The following CEP85L variants were observed in gnomAD, a reference collection of about 807,000 sequenced individuals.
CEP85L encodes the protein centrosomal protein 85L.
A neutral mutation model predicts 100.3 loss-of-function variants in CEP85L; 60 were observed. The ratio of observed to expected loss-of-function variants is 0.60; its 90% CI spans 0.49 to 0.74. The LOEUF (loss-of-function observed/expected upper bound fraction) is 0.74. Among genes scored for constraint, CEP85L ranks in the 30% least tolerant of loss-of-function variants. The probability of loss-of-function intolerance (pLI) is 0.00; values close to 1 mark genes in which losing one functional copy is unlikely to be tolerated. For synonymous variants in CEP85L, 319 were observed against 322.7 expected, an observed-to-expected ratio of 0.99 and a Z score of 0.12; for missense variants, 973 against 936.2, an observed-to-expected ratio of 1.04 and a Z score of -0.51.
At chr6:118,612,866 T>C (rs1772742547) in intron 2 of CEP85L, among the ~76,000 whole-genome samples, 2 of 151,796 alleles carry the variant, frequency 1.3e-5, no homozygotes, top group South Asian at 4.2e-4. Flanking sequence ...TAGAGATCAG[T>C]AAAATCAACA....
intron 7 of CEP85L, among the ~76,000 whole-genome samples, chr6:118,482,325 A>G (rs1371541747): frequency 6.6e-6 from 1 of 152,166 alleles, no homozygotes; most frequent in Non-Finnish European, 1.5e-5. Context: ...CATCTTGCAT[A>G]ATTGAAACTC....
At chr6:118,707,569 T>A (rs1777635684) in intron 1 of CEP85L, among the ~76,000 whole-genome samples, 1 of 152,232 alleles carries the variant, frequency 6.6e-6, no homozygotes, top group African/African-American at 2.4e-5. Context: ...ACTTCCTTTT[T>A]ATTAAACTTC....
chr6:118,590,618 T>C (rs1219044379), intron 2 of CEP85L, among the ~76,000 whole-genome samples: 2 of 152,096 alleles, frequency 1.3e-5, no homozygotes, highest in Non-Finnish European at 2.9e-5. Flanking sequence ...CCTCCTAATA[T>C]AACTGGCTCT....
chr6:118,508,245 G>A (rs1051773615), intron 5 of CEP85L, among the ~76,000 whole-genome samples: 5 of 151,084 alleles, frequency 3.3e-5, no homozygotes, highest in African/African-American at 1.2e-4. Flanking sequence ...AGAAAAAATA[G>A]AAAAAAATGA....
At chr6:118,608,450 G>A (rs955356317) in intron 2 of CEP85L, among the ~76,000 whole-genome samples, 31 of 151,518 alleles carry the variant, frequency 2.0e-4, no homozygotes, top group African/African-American at 7.0e-4. Context: ...AGCGGAGATC[G>A]CACCACTGCA....
chr6:118,521,839 C>G (rs1452249359), intron 4 of CEP85L, among the ~76,000 whole-genome samples: 1 of 152,074 alleles, frequency 6.6e-6, no homozygotes, highest in African/African-American at 2.4e-5. Flanking sequence ...AAAGAATTAG[C>G]CAAATGAGCA....
Position 118,566,005 on chromosome 6 carries a change from C to CATT in CEP85L, c.541_543dup (p.Asn181dup). The CATT allele has an allele frequency of 6.2e-7, 1 of 1,614,212 alleles. No homozygotes were observed. Among genetic ancestry groups the CATT allele is most frequent in the Non-Finnish European group, 8.5e-7 (1 of 1,180,036 alleles). On this transcript the variant is annotated inframe_insertion, in exon 3 of 13. Coordinates refer to ENST00000368491, the MANE Select transcript of CEP85L (RefSeq NM_001042475.3). ...TTAGCCTTCCCTATCTTCTCCAAAC[C>CATT]ATTCCTTGACTCTTCTCTGCATACA...
chr6:118,545,367 A>T (rs1245221305), intron 3 of CEP85L, among the ~76,000 whole-genome samples: 1 of 152,208 alleles, frequency 6.6e-6, no homozygotes, highest in Non-Finnish European at 1.5e-5. Context: ...AGGTGGGCAG[A>T]TCACGAGGTC....
chr6:118,663,646 A>G (rs1776041466), intron 1 of CEP85L, among the ~76,000 whole-genome samples: 1 of 152,160 alleles, frequency 6.6e-6, no homozygotes, highest in Non-Finnish European at 1.5e-5. Flanking sequence ...TTTGATATAG[A>G]TTTGACATAT....
At chr6:118,494,517 A>C (rs946907482) in intron 5 of CEP85L, among the ~76,000 whole-genome samples, 2 of 152,136 alleles carry the variant, frequency 1.3e-5, no homozygotes, top group Non-Finnish European at 2.9e-5. Flanking sequence ...GTTAATACAC[A>C]AATCAAGCTC....
intron 10 of CEP85L, among the ~76,000 whole-genome samples, chr6:118,474,555 G>C (rs1270046579): frequency 6.6e-6 from 1 of 152,206 alleles, no homozygotes; most frequent in African/African-American, 2.4e-5. Flanking sequence ...GCCCCAGCTT[G>C]TGGGGCACTG....
intron 6 of CEP85L, among the ~76,000 whole-genome samples, chr6:118,489,793 T>C (rs1033461904): frequency 6.6e-6 from 1 of 152,144 alleles, no homozygotes; most frequent in African/African-American, 2.4e-5. Flanking sequence ...TGGATATTTA[T>C]CCAAAAGAAT....
At chr6:118,635,716 A>G (rs1329801639) in intron 1 of CEP85L, among the ~76,000 whole-genome samples, 1 of 152,224 alleles carries the variant, frequency 6.6e-6, no homozygotes. Context: ...TATTTTGAGC[A>G]GTATAAAGTC....
intron 2 of CEP85L, among the ~76,000 whole-genome samples, chr6:118,612,683 G>A (rs1386863062): frequency 2.8e-4 from 1 of 3,602 alleles, no homozygotes; most frequent in African/African-American, 5.9e-4. Flanking sequence ...AAGCGGGGGG[G>A]GGGGGGGGGG....
intron 1 of CEP85L, among the ~76,000 whole-genome samples, chr6:118,673,573 T>C (rs1327745117): frequency 1.3e-5 from 2 of 152,220 alleles, no homozygotes; most frequent in Non-Finnish European, 2.9e-5. Context: ...TTTGGCACAA[T>C]GGTGAGGTCT....
chr6:118,576,771 C>A (rs1363191620), intron 2 of CEP85L, among the ~76,000 whole-genome samples: 1 of 152,180 alleles, frequency 6.6e-6, no homozygotes, highest in African/African-American at 2.4e-5. Flanking sequence ...GACTGTCAAT[C>A]TAATCATTGC....
chr6:118,661,452 C>A (rs1424880421), intron 1 of CEP85L, among the ~76,000 whole-genome samples: 1 of 151,846 alleles, frequency 6.6e-6, no homozygotes, highest in Non-Finnish European at 1.5e-5. Flanking sequence ...TGTTATTATT[C>A]TTTTTCTTTT....
At chr6:118,619,596 C>T (rs187536495) in intron 2 of CEP85L, among the ~76,000 whole-genome samples, 329 of 152,268 alleles carry the variant, frequency 2.2e-3, no homozygotes, top group African/African-American at 7.6e-3. Flanking sequence ...ACGTAAACTC[C>T]GCGAACCAGG....
chr6:118,562,267 ATACTT>A (rs1019885740), intron 3 of CEP85L, among the ~76,000 whole-genome samples: 9 of 152,230 alleles, frequency 5.9e-5, no homozygotes, highest in African/African-American at 1.7e-4. Context: ...ACGTAACAGA[ATACTT>A]TAAACACTCT....
Sources: allele counts gnomAD v4.1 joint callset (sites outside exome capture counted in the v4.1 genomes callset), GRCh38; gene constraint gnomAD v4.1.1; transcripts MANE v1.5; gene names NCBI Gene and HGNC (gene_info 2026-07-23, HGNC 2026-07-21).